ANKMY1: variants seen among roughly 807,000 people sequenced by gnomAD.
The protein encoded by ANKMY1 is ankyrin repeat and MYND domain containing 1, also known as ankyrin repeat and MYND domain-containing protein 1.
In ANKMY1, 98 loss-of-function variants were observed where a neutral mutation model predicts 102.0. The ratio of observed to expected loss-of-function variants is 0.96; its 90% CI spans 0.82 to 1.14. ANKMY1 has a LOEUF of 1.14. Among genes scored for constraint, ANKMY1 ranks in the 50% most tolerant of loss-of-function variants. The pLI is 0.00. For synonymous variants in ANKMY1, 582 were observed against 559.9 expected, an observed-to-expected ratio of 1.04 and a Z score of -0.56; for missense variants, 1,330 against 1,347.6, an observed-to-expected ratio of 0.99 and a Z score of 0.20.
At position 240,529,425 on chromosome 2, in the gene ANKMY1, C is replaced by T. The variant is rs1400013323; in HGVS notation, c.565G>A (p.Glu189Lys). Residue 189 changes from glutamate to lysine, a missense_variant, in exon 5 of 18, where the codon GAG becomes AAG. Coordinates refer to ENST00000401804, the MANE Select transcript of ANKMY1 (RefSeq NM_001282771.3). The surrounding 1 kb of genome is among the most constrained non-coding windows in gnomAD (Gnocchi z 4.2). Reference sequence around the variant, plus strand: ...TGGGTGCACAGCTTGATGAGCTGCTCTCGGAACCACAGCCCCACGTCCTGG... The same window carrying T: ...TGGGTGCACAGCTTGATGAGCTGCTTTCGGAACCACAGCCCCACGTCCTGG... ...GSQDVGLWFR[E>K]QLIKLCTQIP... 1 of 1,614,128 alleles carries T rather than the reference C, an allele frequency of 6.2e-7. No individual in the cohort carries two copies. The highest frequency in any genetic ancestry group is 1.1e-5 in the South Asian group (1 of 91,088).
chr2:240,500,041 T>A lies in ANKMY1; in HGVS notation c.2723A>T (p.Glu908Val). The A allele has an allele frequency of 1.2e-6, 2 of 1,612,776 alleles. No homozygotes were observed. Reference sequence around the variant, plus strand: ...CTGCCGTAGCTGCAAGCCCATGTACTCCAGGAGCCGCTTCCGCGCCAGGAA... The same window carrying A: ...CTGCCGTAGCTGCAAGCCCATGTACACCAGGAGCCGCTTCCGCGCCAGGAA... Reference protein sequence around the residue: ...ETFLARKRLLEYMGLQLRQAV... With the variant: ...ETFLARKRLLVYMGLQLRQAV... The change falls in exon 15 of 18, where the codon GAG becomes GTG. Residue 908 changes from glutamate (E) to valine (V), a missense_variant. By Grantham distance (121) the Glu-to-Val change is moderately radical. Coordinates refer to ENST00000401804, the MANE Select transcript of ANKMY1 (RefSeq NM_001282771.3).
Position 240,520,770 on chromosome 2 carries a change from ACACT to A in ANKMY1, c.1833-241_1833-238del, listed in dbSNP as rs1002941220. On this transcript the variant is annotated intron_variant, in intron 8 of 17. Transcript: ENST00000401804. This position sits in a 1 kb window ranked among gnomAD's most constrained non-coding sequence, Gnocchi z 4.8. ...CGGCACACACAGCACACCACACAGC[ACACT>A]CACAACCACACCCACAGCACACCAC... Among the ~76,000 whole-genome samples, 2 of 149,950 alleles carry A rather than the reference ACACT, an allele frequency of 1.3e-5. No homozygotes were observed. Among genetic ancestry groups the A allele is most frequent in the Admixed American group, 6.6e-5 (1 of 15,072 alleles).
chr2:240,535,290 G>A (rs2086449861), intron 4 of ANKMY1, among the ~76,000 whole-genome samples: 1 of 152,202 alleles, frequency 6.6e-6, no homozygotes, highest in Non-Finnish European at 1.5e-5. Flanking sequence ...CTTTCAGGCT[G>A]CAGGTAAATT....
chr2:240,521,491 C>T (rs1223668199), intron 8 of ANKMY1, among the ~76,000 whole-genome samples: 72 of 69,620 alleles, frequency 1.0e-3, no homozygotes, highest in African/African-American at 3.7e-3. Flanking sequence ...GGTGTTACAG[C>T]TTTTTTTTTT....
chr2:240,560,849 G>A (rs779143635), upstream of ANKMY1: 1 of 1,392,528 alleles, frequency 7.2e-7, no homozygotes, highest in Non-Finnish European at 9.2e-7. Flanking sequence ...CCCGCCAGCA[G>A]CCCGGCCCGC....
chr2:240,554,590 A>C, intron 3 of ANKMY1: 2 of 399,042 alleles, frequency 5.0e-6, no homozygotes, highest in Admixed American at 3.7e-5. Context: ...TTGCTATGGC[A>C]ATTCATAATT....
chr2:240,504,521 C>T (rs993930829), intron 13 of ANKMY1, among the ~76,000 whole-genome samples: 6 of 152,190 alleles, frequency 3.9e-5, no homozygotes, highest in African/African-American at 1.4e-4. Flanking sequence ...TTATAAATTA[C>T]ATACCCGATA....
intron 11 of ANKMY1, among the ~76,000 whole-genome samples, chr2:240,511,405 C>T (rs1380806774): frequency 1.3e-5 from 2 of 152,158 alleles, no homozygotes; most frequent in Non-Finnish European, 2.9e-5. Flanking sequence ...TGGGCATCCT[C>T]GGAGTGGTTC....
chr2:240,481,324 A>T (rs2075356887), intron 16 of ANKMY1, among the ~76,000 whole-genome samples: 1 of 152,220 alleles, frequency 6.6e-6, no homozygotes, highest in Admixed American at 6.5e-5. Context: ...ACACATTCCG[A>T]GCTCTGGGAA....
chr2:240,510,939 G>A (rs1380975845), intron 11 of ANKMY1, among the ~76,000 whole-genome samples: 2 of 148,650 alleles, frequency 1.3e-5, no homozygotes, highest in East Asian at 4.0e-4. Context: ...TTGACCAGCC[G>A]CCTTCCTGGA....
chr2:240,479,115 C>T (rs1245768895), downstream of ANKMY1, among the ~76,000 whole-genome samples: 1 of 152,234 alleles, frequency 6.6e-6, no homozygotes, highest in Non-Finnish European at 1.5e-5. Flanking sequence ...CGTAAGTGCA[C>T]GGGGAACAAA....
rs150200512 is a variant in ANKMY1 at position 240,524,037 on chromosome 2, G to A, written c.1680C>T (p.Asn560=). The change falls in exon 8 of 18, where the codon AAC becomes AAT. Residue 560 remains asparagine (N), a synonymous_variant. Coordinates refer to ENST00000401804, the MANE Select transcript of ANKMY1 (RefSeq NM_001282771.3). ...CGATGGAGAAGTCGCACACACACACGTTGGACTCAAATTTCGTCTCAGCAC... is the reference window on the plus strand; with the variant it reads ...CGATGGAGAAGTCGCACACACACACATTGGACTCAAATTTCGTCTCAGCAC... ...LCSAETKFES[N]VCVCDFSIEL... 17 of 1,613,854 alleles carry A rather than the reference G, an allele frequency of 1.1e-5. No individual in the cohort carries two copies. The highest frequency in any genetic ancestry group is 1.6e-4 in the Middle Eastern group (1 of 6,084).
At position 240,481,030 on chromosome 2, in the gene ANKMY1, G is replaced by GAGGGC; in HGVS notation, c.2948_2952dup (p.Arg985AlafsTer8). Reference sequence around the variant, plus strand: ...CTGCAGGTCAGGATCCCGTAGCAGCGAGGGCAGGGCAAGAGGCGGACCCCG... The same window carrying GAGGGC: ...CTGCAGGTCAGGATCCCGTAGCAGCGAGGGCAGGGCAGGGCAAGAGGCGGACCCCG... On this transcript the variant is annotated frameshift_variant, in exon 17 of 18. Transcript: ENST00000401804. LOFTEE classifies it high-confidence loss of function. 1.9e-6 allele frequency: 3 copies of GAGGGC among 1,613,998 alleles called. No homozygotes were observed. Among genetic ancestry groups the GAGGGC allele is most frequent in the Non-Finnish European group, 2.5e-6 (3 of 1,179,900 alleles).
chr2:240,550,279 C>T (rs1161973045), intron 4 of ANKMY1, among the ~76,000 whole-genome samples: 2 of 148,958 alleles, frequency 1.3e-5, no homozygotes, highest in East Asian at 2.0e-4. Context: ...AACCAAACAC[C>T]GCGTATTCTC....
chr2:240,494,877 C>T (rs1259498090), intron 15 of ANKMY1, among the ~76,000 whole-genome samples: 2 of 151,904 alleles, frequency 1.3e-5, no homozygotes, highest in Non-Finnish European at 2.9e-5. Flanking sequence ...ACAAGCTGTT[C>T]CAGTGTAATA....
At position 240,520,543 on chromosome 2, in the gene ANKMY1, A is replaced by AC; in HGVS notation, c.1833-11dup. 1 of 1,607,932 alleles carries AC rather than the reference A, an allele frequency of 6.2e-7. No homozygotes were observed. Among genetic ancestry groups the AC allele is most frequent in the Non-Finnish European group, 8.5e-7 (1 of 1,176,796 alleles). On this transcript the variant is annotated splice_polypyrimidine_tract_variant and intron_variant, in intron 8 of 17. Coordinates refer to ENST00000401804, the MANE Select transcript of ANKMY1 (RefSeq NM_001282771.3). This position sits in a 1 kb window ranked among gnomAD's most constrained non-coding sequence, Gnocchi z 4.8. Reference sequence around the variant, plus strand: ...CCAGCGCTTCCTCCGCCTGAAAAAGACGGTGCGCCCGTGGGCCCCTGGAGG... The same window carrying AC: ...CCAGCGCTTCCTCCGCCTGAAAAAGACCGGTGCGCCCGTGGGCCCCTGGAGG...
At chr2:240,560,942 C>A, upstream of ANKMY1, 1 of 1,534,000 alleles carries the variant, frequency 6.5e-7, no homozygotes, top group Non-Finnish European at 8.7e-7. Context: ...AGCCCACGTG[C>A]GCCGCCATGG....
chr2:240,525,348 C>T (rs929185227), intron 7 of ANKMY1, among the ~76,000 whole-genome samples: 1 of 152,220 alleles, frequency 6.6e-6, no homozygotes, highest in Non-Finnish European at 1.5e-5. Flanking sequence ...TGCCAGGAAA[C>T]GGTTAGGCAT....
At chr2:240,481,126 G>C in intron 16 of ANKMY1, 29 bp from the exon 17 acceptor site, 7 of 1,596,348 alleles carry the variant, frequency 4.4e-6, no homozygotes, top group Non-Finnish European at 5.1e-6. Context: ...GTCAGCAGGC[G>C]GCCACTCCAG....
Sources: allele counts gnomAD v4.1 joint callset (sites outside exome capture counted in the v4.1 genomes callset), GRCh38; gene constraint gnomAD v4.1.1; non-coding constraint Gnocchi (gnomAD v3.1); transcripts MANE v1.5; gene names NCBI Gene and HGNC (gene_info 2026-07-23, HGNC 2026-07-21).